The following OPCML variants were observed in gnomAD, a reference collection of about 807,000 sequenced individuals.
OPCML encodes opioid binding protein/cell adhesion molecule like.
In OPCML, 13 loss-of-function variants were observed where a neutral mutation model predicts 37.8. The observed-to-expected ratio is 0.34, with a 90% CI of 0.22 to 0.55. The LOEUF (loss-of-function observed/expected upper bound fraction) is 0.55. Among genes scored for constraint, OPCML ranks in the 20% least tolerant of loss-of-function variants. The probability of loss-of-function intolerance (pLI) is 0.91; values close to 1 mark genes in which losing one functional copy is unlikely to be tolerated. For missense variants in OPCML, 341 were observed against 435.6 expected, an observed-to-expected ratio of 0.78 and a Z score of 1.93; for synonymous variants, 176 against 168.8, an observed-to-expected ratio of 1.04 and a Z score of -0.33.
chr11:132,786,898 G>A (rs907592025), intron 2 of OPCML, among the ~76,000 whole-genome samples: 3 of 152,172 alleles, frequency 2.0e-5, no homozygotes, highest in African/African-American at 7.2e-5. Flanking sequence ...GCTGGGTGGT[G>A]GGATGGAGCG....
chr11:133,341,616 T>G (rs1943871436), intron 1 of OPCML, among the ~76,000 whole-genome samples: 1 of 152,154 alleles, frequency 6.6e-6, no homozygotes, highest in Non-Finnish European at 1.5e-5. Flanking sequence ...CAGTCTCCCT[T>G]AAAATGCTTT....
intron 2 of OPCML, among the ~76,000 whole-genome samples, chr11:132,735,174 A>C (rs994487202): frequency 4.6e-5 from 7 of 152,174 alleles, no homozygotes; most frequent in African/African-American, 1.7e-4. Flanking sequence ...TTGATAGTAA[A>C]ATTTTAAAAA....
At chr11:133,102,159 G>A (rs1949093038) in intron 1 of OPCML, among the ~76,000 whole-genome samples, 1 of 152,132 alleles carries the variant, frequency 6.6e-6, no homozygotes, top group African/African-American at 2.4e-5. Context: ...AAAACCCATA[G>A]AATATACAAC....
chr11:133,333,831 G>T (rs1456238347), intron 1 of OPCML, among the ~76,000 whole-genome samples: 2 of 151,970 alleles, frequency 1.3e-5, no homozygotes, highest in Non-Finnish European at 2.9e-5. Context: ...GTGGGCAAAG[G>T]ACATGAACAG....
At chr11:133,400,365 A>G (rs1375001258) in intron 1 of OPCML, among the ~76,000 whole-genome samples, 1 of 152,210 alleles carries the variant, frequency 6.6e-6, no homozygotes, top group African/African-American at 2.4e-5. Flanking sequence ...CAGCCTCCTC[A>G]AAGCACTTAT....
At chr11:132,990,292 C>T (rs1006358198) in intron 1 of OPCML, among the ~76,000 whole-genome samples, 1 of 152,190 alleles carries the variant, frequency 6.6e-6, no homozygotes, top group African/African-American at 2.4e-5. Context: ...TCAGAGAGTG[C>T]CTGCACTTAC....
chr11:132,966,130 G>A (rs1946208723), intron 1 of OPCML, among the ~76,000 whole-genome samples: 1 of 150,494 alleles, frequency 6.6e-6, no homozygotes, highest in Admixed American at 6.6e-5. Context: ...TTAGATTATT[G>A]ATTTGAAAAT....
rs71477765 is a variant in OPCML, at chr11:132,570,755, GTATATATATATATATATATATATA to G, written c.380-41593_380-41570del. Reference sequence around the variant, plus strand: ...CTCAGGGGAATAGGCAGGAAAGAGAGTATATATATATATATATATATATATATATATATATATATATATATATTT... The same window carrying G: ...CTCAGGGGAATAGGCAGGAAAGAGAGTATATATATATATATATATATATTT... On this transcript the variant is annotated intron_variant, in intron 3 of 7. Transcript: ENST00000524381. Among the ~76,000 whole-genome samples, 106 of 30,112 alleles carry G rather than the reference GTATATATATATATATATATATATA, an allele frequency of 3.5e-3. 4 individuals carry two copies. The South Asian group carries it at 0.074, about 21-fold the overall frequency. The allele number at this position is 30,112 out of a possible 152,430, so 19.8% of individuals were successfully genotyped here. A position where few individuals can be genotyped will look rare whatever the true frequency, so the allele number is the denominator to read the frequency against.
intron 2 of OPCML, among the ~76,000 whole-genome samples, chr11:132,833,171 G>A (rs1036603581): frequency 2.6e-5 from 4 of 151,912 alleles, no homozygotes; most frequent in African/African-American, 9.7e-5. Context: ...TAACTTTTTT[G>A]TAATAACACG....
intron 4 of OPCML, among the ~76,000 whole-genome samples, chr11:132,515,955 A>T (rs988634651): frequency 1.3e-5 from 2 of 152,260 alleles, no homozygotes; most frequent in Admixed American, 6.5e-5. Flanking sequence ...AAGATCACTC[A>T]CCAATTTGTA....
chr11:133,229,248 C>A (rs1283858415), intron 1 of OPCML, among the ~76,000 whole-genome samples: 1 of 152,160 alleles, frequency 6.6e-6, no homozygotes, highest in Non-Finnish European at 1.5e-5. Context: ...CAGCTCTGAA[C>A]CAAAGCCTGG....
At chr11:132,582,308 A>G (rs1349177289) in intron 3 of OPCML, among the ~76,000 whole-genome samples, 1 of 152,180 alleles carries the variant, frequency 6.6e-6, no homozygotes, top group African/African-American at 2.4e-5. Context: ...AAGAAAGATC[A>G]TAAACCTAAG....
At chr11:132,634,455 A>G (rs1940353204) in intron 3 of OPCML, among the ~76,000 whole-genome samples, 1 of 152,196 alleles carries the variant, frequency 6.6e-6, no homozygotes, top group South Asian at 2.1e-4. Context: ...ATCCAAAATA[A>G]AATAAGGCAA....
chr11:132,976,671 TATA>T (rs1198383377), intron 1 of OPCML, among the ~76,000 whole-genome samples: 1 of 152,204 alleles, frequency 6.6e-6, no homozygotes, highest in Non-Finnish European at 1.5e-5. Flanking sequence ...CCCAGTCACT[TATA>T]ATAACAGGAT....
chr11:133,140,933 A>ACG, intron 1 of OPCML, among the ~76,000 whole-genome samples: 1 of 19,298 alleles, frequency 5.2e-5, no homozygotes, highest in African/African-American at 1.0e-4. Context: ...GACGACGACG[A>ACG]AGAAGAAGAA....
chr11:133,466,524 A>G (rs1257077613), intron 1 of OPCML, among the ~76,000 whole-genome samples: 1 of 152,206 alleles, frequency 6.6e-6, no homozygotes, highest in Non-Finnish European at 1.5e-5. Flanking sequence ...TGCTGAAGCA[A>G]AAGGCCATTC....
At chr11:132,772,699 G>A (rs1946679284) in intron 2 of OPCML, 1 of 152,190 alleles carries the variant, frequency 6.6e-6, no homozygotes, top group Admixed American at 6.5e-5. Flanking sequence ...ATTTCACATA[G>A]TGAGGTTGTC....
chr11:132,924,734 T>C (rs899872596), intron 2 of OPCML, among the ~76,000 whole-genome samples: 1 of 152,222 alleles, frequency 6.6e-6, no homozygotes, highest in African/African-American at 2.4e-5. Flanking sequence ...TAGGCTGTTA[T>C]GTTTGTGTGT....
chr11:132,751,696 G>A (rs543856824), intron 2 of OPCML, among the ~76,000 whole-genome samples: 13 of 152,256 alleles, frequency 8.5e-5, no homozygotes, highest in African/African-American at 2.6e-4. Flanking sequence ...CTATTGAGTG[G>A]CAGAACTGGA....
Sources: gnomAD v4.1 joint callset for allele counts (sites outside exome capture counted in the v4.1 genomes callset) on GRCh38, gnomAD v4.1.1 for gene constraint, MANE v1.5 for transcripts, NCBI Gene and HGNC (gene_info 2026-07-23, HGNC 2026-07-21) for gene names.